Variants in BEND6 observed in about 807,000 individuals in gnomAD.
The protein encoded by BEND6 is BEN domain-containing protein 6.
In BEND6, 24 loss-of-function variants were observed where a neutral mutation model predicts 31.8. That is an observed-to-expected ratio of 0.75 (90% CI 0.55 to 1.06). BEND6 has a LOEUF of 1.06. BEND6 is among the 50% of genes least tolerant of loss of function. The pLI is 0.00. For missense variants in BEND6, 294 were observed against 327.4 expected, an observed-to-expected ratio of 0.90 and a Z score of 0.79; for synonymous variants, 109 against 114.6, an observed-to-expected ratio of 0.95 and a Z score of 0.31.
At chr6:57,016,475 C>T (rs745631509) in intron 4 of BEND6, among the ~76,000 whole-genome samples, 1 of 152,188 alleles carries the variant, frequency 6.6e-6, no homozygotes, top group East Asian at 1.9e-4. Flanking sequence ...GTTTCCTGCT[C>T]ATCCAGGCTG....
chr6:57,018,084 A>G (rs1428295937), intron 5 of BEND6, among the ~76,000 whole-genome samples: 1 of 151,486 alleles, frequency 6.6e-6, no homozygotes, highest in Non-Finnish European at 1.5e-5. Context: ...AAGATCAGTC[A>G]GAGTTTAGTT....
intron 2 of BEND6, among the ~76,000 whole-genome samples, chr6:56,990,193 T>A (rs1425483064): frequency 6.6e-6 from 1 of 151,950 alleles, no homozygotes; most frequent in Non-Finnish European, 1.5e-5. Context: ...CTGCCATGCC[T>A]TCTCTACCAT....
chr6:56,958,738 C>T (rs911661252), intron 1 of BEND6, among the ~76,000 whole-genome samples: 24 of 152,122 alleles, frequency 1.6e-4, no homozygotes. Context: ...GCAAAGTGGT[C>T]GAAGCCAAGT....
intron 3 of BEND6, chr6:57,010,572 G>A: frequency 1.9e-6 from 1 of 523,998 alleles, no homozygotes; most frequent in Non-Finnish European, 2.4e-6. Flanking sequence ...CCTGTGCTTT[G>A]CATCAAATAA....
chr6:57,013,238 T>C (rs765455223), intron 3 of BEND6, among the ~76,000 whole-genome samples: 6 of 152,200 alleles, frequency 3.9e-5, no homozygotes, highest in Non-Finnish European at 7.3e-5. Context: ...TTCAATAATT[T>C]GCTATAATAG....
intron 6 of BEND6, among the ~76,000 whole-genome samples, chr6:57,018,837 T>C (rs1593029661): frequency 6.6e-6 from 1 of 152,206 alleles, no homozygotes; most frequent in Non-Finnish European, 1.5e-5. Context: ...ATATAGTATG[T>C]AGTGTTTTCC....
At chr6:56,983,513 A>G (rs1351051217) in intron 2 of BEND6, among the ~76,000 whole-genome samples, 4 of 152,118 alleles carry the variant, frequency 2.6e-5, no homozygotes, top group African/African-American at 4.8e-5. Context: ...ATCTCTGAAT[A>G]TTTGAAAGTT....
chr6:56,983,823 G>C (rs1298463326), intron 2 of BEND6, among the ~76,000 whole-genome samples: 1 of 152,136 alleles, frequency 6.6e-6, no homozygotes, highest in Non-Finnish European at 1.5e-5. Flanking sequence ...ATAGCACCGT[G>C]TTTTATTTAT....
At chr6:56,982,018 C>T in intron 2 of BEND6, 88 bp downstream of exon 2, 1 of 1,308,686 alleles carries the variant, frequency 7.6e-7, no homozygotes, top group Non-Finnish European at 1.0e-6. Flanking sequence ...GTGCTTCTCC[C>T]TCTTCTATTA....
chr6:56,977,991 A>G (rs912508994), intron 1 of BEND6, among the ~76,000 whole-genome samples: 52 of 151,938 alleles, frequency 3.4e-4, no homozygotes, highest in African/African-American at 1.1e-3. Context: ...TCAACCAAGT[A>G]TGGTGGCTCA....
At chr6:57,022,165 T>TTC in intron 6 of BEND6, among the ~76,000 whole-genome samples, 1 of 90,966 alleles carries the variant, frequency 1.1e-5, no homozygotes, top group African/African-American at 5.5e-5. Flanking sequence ...TTTCTTTTTC[T>TTC]TTTTTTTTTT....
At chr6:56,972,306 G>T (rs1464314831) in intron 1 of BEND6, among the ~76,000 whole-genome samples, 1 of 151,818 alleles carries the variant, frequency 6.6e-6, no homozygotes, top group Non-Finnish European at 1.5e-5. Context: ...CTTTGGCCAG[G>T]CTGGTCTCGA....
At chr6:56,961,127 A>G (rs937852338) in intron 1 of BEND6, among the ~76,000 whole-genome samples, 64 of 152,272 alleles carry the variant, frequency 4.2e-4, no homozygotes, top group Admixed American at 1.2e-3. Flanking sequence ...AACTCCCACA[A>G]TGAGAATCAT....
intron 3 of BEND6, chr6:57,010,659 TG>T (rs923793875): frequency 1.1e-6 from 1 of 924,910 alleles, no homozygotes; most frequent in African/African-American, 1.8e-5. Flanking sequence ...TTGCTATTTT[TG>T]TTTCTGTTTA....
intron 3 of BEND6, 102 bp downstream of exon 3, chr6:56,992,657 C>A: frequency 8.1e-7 from 1 of 1,228,648 alleles, no homozygotes; most frequent in Non-Finnish European, 1.1e-6. Context: ...AAATCCACAC[C>A]TCTGGGAGCT....
intron 3 of BEND6, among the ~76,000 whole-genome samples, chr6:57,006,219 G>A (rs956359318): frequency 2.6e-5 from 4 of 152,214 alleles, no homozygotes; most frequent in African/African-American, 9.6e-5. Flanking sequence ...AAAGCATTCA[G>A]AACAGAGCCT....
chr6:56,990,182 G>A (rs1032092788), intron 2 of BEND6, among the ~76,000 whole-genome samples: 4 of 150,250 alleles, frequency 2.7e-5, no homozygotes, highest in Non-Finnish European at 5.9e-5. Flanking sequence ...TCTGCAGTAA[G>A]CTGCCATGCC....
chr6:56,985,941 T>G (rs1460072525), intron 2 of BEND6, among the ~76,000 whole-genome samples: 1 of 152,214 alleles, frequency 6.6e-6, no homozygotes, highest in African/African-American at 2.4e-5. Flanking sequence ...TTCCTTCCAC[T>G]GATGCTTACA....
intron 1 of BEND6, among the ~76,000 whole-genome samples, 198 bp from the exon 2 acceptor site, chr6:56,981,513 A>G (rs563571548): frequency 1.3e-5 from 2 of 152,332 alleles, no homozygotes; most frequent in African/African-American, 4.8e-5. Flanking sequence ...TGCATATCAC[A>G]TCATGAAAAT....
Sources: gnomAD v4.1 joint callset for allele counts (sites outside exome capture counted in the v4.1 genomes callset) on GRCh38, gnomAD v4.1.1 for gene constraint, MANE v1.5 for transcripts, NCBI Gene and HGNC (gene_info 2026-07-23, HGNC 2026-07-21) for gene names.